The following EML3 variants were observed in gnomAD, a reference collection of about 807,000 sequenced individuals.
The protein encoded by EML3 is EMAP like 3.
EML3 carries 53 observed loss-of-function variants against 106.7 expected under a neutral mutation model. That is an observed-to-expected ratio of 0.50 (90% CI 0.40 to 0.62). EML3 has a LOEUF of 0.62. EML3 is among the 20% of genes least tolerant of loss of function. The pLI is 0.00. For synonymous variants in EML3, 499 were observed against 489.6 expected (o/e 1.02, Z -0.25); for missense variants, 994 against 1,209.1 (o/e 0.82, Z 2.64).
chr11:62,607,643 C>T (rs763472997), intron 11 of EML3, 23 bp downstream of exon 11: 3 of 1,605,362 alleles, frequency 1.9e-6, no homozygotes, highest in Non-Finnish European at 2.6e-6. Flanking sequence ...CTCCCCATCA[C>T]CTTCCACTTA....
intron 20 of EML3, 37 bp downstream of exon 20, chr11:62,603,112 C>T: frequency 6.2e-7 from 1 of 1,608,574 alleles, no homozygotes; most frequent in Non-Finnish European, 8.5e-7. Flanking sequence ...CCACCTTGTC[C>T]CCCACCCTTC....
Position 62,609,680 on chromosome 11 carries a change from G to C in EML3, c.583C>G (p.Pro195Ala), listed in dbSNP as rs751441861. 4 of 1,604,898 alleles carry C rather than the reference G, an allele frequency of 2.5e-6. No homozygotes were observed. The African/African-American group carries it at 4.0e-5, about 16-fold the overall frequency. Residue 195 changes from proline (P) to alanine (A), a missense_variant, in exon 5 of 22, where the codon CCC (proline) becomes GCC (alanine). By Grantham distance (27) the Pro-to-Ala change is conservative. This residue lies in a region of EML3 where 269 missense variants were observed against 265.1 expected (regional missense o/e 1.01). Coordinates refer to ENST00000394773, the MANE Select transcript of EML3 (RefSeq NM_153265.3). The part of the protein sequence containing the change: ...GSTESRGGKD[P>A]LSSPGGPGSR... ...CCAGGGCCCCCAGGGCTGGAGAGGG[G>C]GTCTTTTCCCCCACGGCTGTTGGGA...
intron 16 of EML3, among the ~76,000 whole-genome samples, 174 bp from the exon 17 acceptor site, chr11:62,604,375 TTTGTTG>T (rs745664151): frequency 4.3e-4 from 66 of 151,806 alleles, no homozygotes; most frequent in African/African-American, 1.4e-3. Flanking sequence ...TCTTTTTTAG[TTTGTTG>T]TTGTTGTTGT....
rs1047866726 is a variant in EML3, at chr11:62,602,448, G to T, written c.*27C>A. On this transcript the variant is annotated 3_prime_UTR_variant, in exon 22 of 22. Coordinates refer to ENST00000394773, the MANE Select transcript of EML3 (RefSeq NM_153265.3). Reference sequence around the variant, plus strand: ...CAGGGCGGGGCGGGGCCACGCCGCCGGGCCAGTCGGTCCCGCCAGGCAGCG... The same window carrying T: ...CAGGGCGGGGCGGGGCCACGCCGCCTGGCCAGTCGGTCCCGCCAGGCAGCG... The T allele has an allele frequency of 1.4e-5, 21 of 1,544,578 alleles. No homozygotes were observed. Among genetic ancestry groups the T allele is most frequent in the Non-Finnish European group, 1.8e-5 (21 of 1,142,622 alleles).
At chr11:62,612,328 G>A in intron 1 of EML3, 108 bp downstream of exon 1, 6 of 1,153,654 alleles carry the variant, frequency 5.2e-6, no homozygotes, top group Non-Finnish European at 7.3e-6. Context: ...AGCCCCTGGG[G>A]CGGAGGAGCA....
rs1942825562 is a variant in EML3 at position 62,611,482 on chromosome 11, A to C, written c.137T>G (p.Leu46Arg). The C allele has an allele frequency of 3.1e-6, 5 of 1,613,792 alleles. No homozygotes were observed. The East Asian group carries it at 1.1e-4, about 36-fold the overall frequency. The stretch of plus-strand genomic sequence containing the variant: ...CTGCAGGGAGGAAGGGGGCACCTGC[A>C]GCCGCAGCAGGCGAAGGGCTTCTGC... ...ALAEALRLLR[L>R]QVPPSSLQGS... Residue 46 changes from leucine to arginine, a missense_variant, in exon 2 of 22, where the codon CTG becomes CGG. By Grantham distance (102) the Leu-to-Arg change is moderately radical. This residue lies in a region of EML3 where 269 missense variants were observed against 265.1 expected (regional missense o/e 1.01). Coordinates refer to ENST00000394773, the MANE Select transcript of EML3 (RefSeq NM_153265.3).
chr11:62,604,197 A>G lies in EML3; in HGVS notation c.1987T>C (p.Leu663=). ...VAVGLNTGRW[L]VLDTETREIV... Reference sequence around the variant, plus strand: ...TCTCTGGTCTCTGTGTCCAAAACCAACCACCTGGAAGGGAGGGAAGTGGAG... The same window carrying G: ...TCTCTGGTCTCTGTGTCCAAAACCAGCCACCTGGAAGGGAGGGAAGTGGAG... The change falls in exon 17 of 22, where the codon TTG becomes CTG. Residue 663 remains leucine (L), a synonymous_variant. Coordinates refer to ENST00000394773, the MANE Select transcript of EML3 (RefSeq NM_153265.3). 1 of 1,613,806 alleles carries G rather than the reference A, an allele frequency of 6.2e-7. No homozygotes were observed. Among genetic ancestry groups the G allele is most frequent in the Non-Finnish European group, 8.5e-7 (1 of 1,179,956 alleles).
At chr11:62,612,353 C>A (rs529987973) in intron 1 of EML3, 83 bp downstream of exon 1, 2 of 1,394,212 alleles carry the variant, frequency 1.4e-6, no homozygotes, top group Admixed American at 2.1e-5. Context: ...GGGACGCCTC[C>A]AGACAGCCGT....
At position 62,612,573 on chromosome 11, in the gene EML3, C is replaced by T; in HGVS notation, c.-116G>A. 1.9e-6 allele frequency: 2 copies of T among 1,067,560 alleles called. No individual in the cohort carries two copies. The highest frequency in any genetic ancestry group is 2.4e-6 in the Non-Finnish European group (2 of 816,594). The allele number at this position is 1,067,560 out of a possible 1,614,324, so 66.1% of individuals were successfully genotyped here. A position where few individuals can be genotyped will look rare whatever the true frequency, so the allele number is the denominator to read the frequency against. On this transcript the variant is annotated 5_prime_UTR_variant, in exon 1 of 22. Transcript: ENST00000394773. ...CGGGGCGCGCGCGAAGGGCGCCGTA[C>T]CACCACCCCGAGGGGGCGCTGTCGG...
At chr11:62,612,190 A>AG (rs1199567983) in intron 1 of EML3, 2 of 516,020 alleles carry the variant, frequency 3.9e-6, no homozygotes, top group Admixed American at 4.0e-5. Context: ...GGAGTAACGC[A>AG]GGGGGCAGGG....
intron 1 of EML3, chr11:62,612,057 T>A: frequency 2.6e-6 from 1 of 382,402 alleles, no homozygotes; most frequent in Middle Eastern, 7.0e-4. Context: ...GGACCCAGAG[T>A]ACAAGAAAAG....
rs909752458 is a variant in EML3 at position 62,602,351 on chromosome 11, G to A, written c.*124C>T. On this transcript the variant is annotated 3_prime_UTR_variant, in exon 22 of 22. Transcript: ENST00000394773. ...GTTCGCGCCCTCCAGGAAAATGCGC[G>A]ATCGGGAATGTCTCGAAGTCAGTCC... is the stretch of plus-strand genomic sequence containing the variant. 2.6e-6 allele frequency: 4 copies of A among 1,541,706 alleles called. No individual in the cohort carries two copies. The highest frequency in any genetic ancestry group is 1.2e-5 in the South Asian group (1 of 83,918).
At position 62,608,524 on chromosome 11, in the gene EML3, G is replaced by T. The variant is rs1216120011; in HGVS notation, c.1110+18C>A. The T allele has an allele frequency of 1.2e-6, 2 of 1,609,422 alleles. No individual in the cohort carries two copies. Among genetic ancestry groups the T allele is most frequent in the Middle Eastern group, 1.9e-4 (1 of 5,342 alleles). ...CCTAGGCAAGAATGGGGGTCTAGAG[G>T]CTTCAGGGCCAGCTCACCGCAGCTG... On this transcript the variant is annotated intron_variant, in intron 9 of 21. Coordinates refer to ENST00000394773, the MANE Select transcript of EML3 (RefSeq NM_153265.3).
At chr11:62,608,003 A>G (rs1590752845) in intron 10 of EML3, 182 bp from the exon 11 acceptor site, 2 of 795,820 alleles carry the variant, frequency 2.5e-6, no homozygotes. Context: ...TAATCACCCT[A>G]ATACCTAACA....
rs1942371762 is a variant in EML3 at position 62,603,799 on chromosome 11, G to A, written c.2187C>T (p.Ile729=). Residue 729 remains isoleucine (I), a synonymous_variant, in exon 19 of 22, where the codon ATC becomes ATT. Transcript: ENST00000394773. Reference sequence around the variant, plus strand: ...CATCCTTGGACCAGTCAAGATGAGTGATGAAGCTGGAGTGACCCTGGGAGC... The same window carrying A: ...CATCCTTGGACCAGTCAAGATGAGTAATGAAGCTGGAGTGACCCTGGGAGC... ...FGRCMGHSSF[I]THLDWSKDGN... 2 of 1,614,166 alleles carry A rather than the reference G, an allele frequency of 1.2e-6. No individual in the cohort carries two copies. Among genetic ancestry groups the A allele is most frequent in the Non-Finnish European group, 8.5e-7 (1 of 1,180,018 alleles).
chr11:62,608,625 C>G lies in EML3; in HGVS notation c.1027G>C (p.Asp343His). The G allele has an allele frequency of 6.2e-7, 1 of 1,614,226 alleles. No individual in the cohort carries two copies. Among genetic ancestry groups the G allele is most frequent in the Non-Finnish European group, 8.5e-7 (1 of 1,180,044 alleles). ...KPLQPVVHIW[D>H]SETLLKLQEI... ...TGCAGTTTCAACAGCGTCTCTGAGT[C>G]CCAGATGTGAACCACAGGCTGCAGG... Residue 343 changes from aspartate to histidine, a missense_variant, in exon 9 of 22, where the codon GAC becomes CAC. Transcript: ENST00000394773.
Position 62,604,189 on chromosome 11 carries a change from C to T in EML3, c.1995G>A (p.Leu665=). Residue 665 remains leucine, a synonymous_variant, in exon 17 of 22, where the codon TTG becomes TTA. Transcript: ENST00000394773. The stretch of plus-strand genomic sequence containing the variant: ...ACACGATCTCTCTGGTCTCTGTGTC[C>T]AAAACCAACCACCTGGAAGGGAGGG... ...VGLNTGRWLV[L]DTETREIVSD... The T allele has an allele frequency of 6.2e-7, 1 of 1,613,700 alleles. No homozygotes were observed. Among genetic ancestry groups the T allele is most frequent in the Non-Finnish European group, 8.5e-7 (1 of 1,179,940 alleles).
chr11:62,606,884 G>A, intron 12 of EML3, 74 bp downstream of exon 12: 2 of 1,369,676 alleles, frequency 1.5e-6, no homozygotes, highest in East Asian at 2.4e-5. Flanking sequence ...AGATGGGAAT[G>A]GGAAACCCTC....
Position 62,608,576 on chromosome 11 carries a change from T to A in EML3, c.1076A>T (p.Glu359Val), listed in dbSNP as rs777965706. ...AAAGGCCAGGGCCCCAACACCCCGC[T>A]CGAAGGCCCCCAGTCCAATCTCCTG... is the stretch of plus-strand genomic sequence containing the variant. ...KLQEIGLGAF[E>V]RGVGALAFSA... is the part of the protein sequence containing the mutation. The change falls in exon 9 of 22, where the codon GAG becomes GTG. Residue 359 changes from glutamate to valine, a missense_variant. Glu to Val is a moderately radical substitution (Grantham distance 121). Around this residue, in one of 3 missense-constraint regions of EML3, gnomAD observed 713 missense variants for 920.5 expected, o/e 0.77. Coordinates refer to ENST00000394773, the MANE Select transcript of EML3 (RefSeq NM_153265.3). 6.2e-7 allele frequency: 1 copy of A among 1,614,044 alleles called. No individual in the cohort carries two copies. Among genetic ancestry groups the A allele is most frequent in the South Asian group, 1.1e-5 (1 of 91,080 alleles).
Sources: allele counts gnomAD v4.1 joint callset (sites outside exome capture counted in the v4.1 genomes callset), GRCh38; gene constraint gnomAD v4.1.1; regional missense constraint gnomAD v4.1.1; transcripts MANE v1.5; gene names NCBI Gene and HGNC (gene_info 2026-07-23, HGNC 2026-07-21).